CADPS: variants seen among roughly 807,000 people sequenced by gnomAD.
CADPS encodes calcium dependent secretion activator, also known as calcium-dependent secretion activator 1.
A neutral mutation model predicts 167.3 loss-of-function variants in CADPS; 57 were observed. The observed-to-expected ratio is 0.34, with a 90% confidence interval of 0.28 to 0.42. CADPS has a LOEUF of 0.42. CADPS is among the 20% of genes least tolerant of loss of function. The probability of loss-of-function intolerance (pLI) is 1.00; values close to 1 mark genes in which losing one functional copy is unlikely to be tolerated. For synonymous variants in CADPS, 676 were observed against 635.3 expected (o/e 1.06, Z -0.96); for missense variants, 1,414 against 1,738.1 (o/e 0.81, Z 3.32).
chr3:62,429,118 A>T (rs2053407760), intron 28 of CADPS, among the ~76,000 whole-genome samples: 2 of 152,222 alleles, frequency 1.3e-5, no homozygotes, highest in Non-Finnish European at 2.9e-5. Flanking sequence ...ATATTGTTTT[A>T]TAAACTTTTG....
intron 24 of CADPS, among the ~76,000 whole-genome samples, chr3:62,469,027 G>C (rs916146349): frequency 1.3e-5 from 2 of 152,130 alleles, no homozygotes; most frequent in Non-Finnish European, 2.9e-5. Flanking sequence ...TTAACATAGT[G>C]GTTGCATGTG....
chr3:62,417,302 T>G lies in CADPS; in HGVS notation c.3778-14117A>C, dbSNP rs1158066698. On this transcript the variant is annotated intron_variant, in intron 28 of 29. Transcript: ENST00000383710. ...TTTTTTTTTTTTTTTTTTTTTTTTT[T>G]TTGAGACTGTCTTGCTCTGACGCCC... is the stretch of plus-strand genomic sequence containing the variant. 4.7e-4 allele frequency among the ~76,000 whole-genome samples: 57 copies of G among 122,162 alleles called. 2 individuals carry two copies. Among genetic ancestry groups the G allele is most frequent in the Non-Finnish European group, 8.4e-4 (48 of 57,034 alleles). 80.1% of individuals were successfully genotyped at this position (122,162 alleles called of 152,430 possible).
chr3:62,685,871 A>C (rs2077938920), intron 3 of CADPS, among the ~76,000 whole-genome samples: 1 of 152,130 alleles, frequency 6.6e-6, no homozygotes, highest in Admixed American at 6.6e-5. Context: ...GAGCTCAGGC[A>C]GTAATGCCTG....
chr3:62,412,093 A>G lies in CADPS; in HGVS notation c.3778-8908T>C, dbSNP rs2149258691. Among the ~76,000 whole-genome samples, 1 of 152,194 alleles carries G rather than the reference A, an allele frequency of 6.6e-6. No individual in the cohort carries two copies. The highest frequency in any genetic ancestry group is 1.9e-4 in the East Asian group (1 of 5,180). On this transcript the variant is annotated intron_variant, in intron 28 of 29. Transcript: ENST00000383710. This position sits in a 1 kb window ranked among gnomAD's most constrained non-coding sequence, Gnocchi z 4.1. Reference sequence around the variant, plus strand: ...GACACCAAAATCAGAGGGTACAGATAATCAGAATGACCTTCTCAGCTGCCC... The same window carrying G: ...GACACCAAAATCAGAGGGTACAGATGATCAGAATGACCTTCTCAGCTGCCC...
intron 1 of CADPS, among the ~76,000 whole-genome samples, chr3:62,777,131 A>C (rs1226774739): frequency 1.3e-5 from 2 of 152,202 alleles, no homozygotes; most frequent in Non-Finnish European, 2.9e-5. Flanking sequence ...CAACATATGA[A>C]ATCACTAAAT....
Position 62,543,779 on chromosome 3 carries a change from A to T in CADPS, c.1966+6124T>A, listed in dbSNP as rs1331300798. On this transcript the variant is annotated intron_variant, in intron 11 of 29. Transcript: ENST00000383710. ...AAATACATAGTTGCCTGCTCTCTTG[A>T]CCAATTTTTCTAACTCCGTCTAACG... 2.0e-5 allele frequency among the ~76,000 whole-genome samples: 3 copies of T among 152,066 alleles called. No individual in the cohort carries two copies. In the East Asian group the frequency reaches 5.8e-4, roughly 29 times the overall value.
intron 1 of CADPS, among the ~76,000 whole-genome samples, chr3:62,868,024 T>C (rs772611295): frequency 1.3e-5 from 2 of 152,056 alleles, no homozygotes; most frequent in Non-Finnish European, 2.9e-5. Flanking sequence ...AATATATCAA[T>C]AGCAAGGGCT....
rs146136858 is a variant in CADPS at position 62,723,326 on chromosome 3, C to T, written c.888+30115G>A. On this transcript the variant is annotated intron_variant, in intron 3 of 29. Coordinates refer to ENST00000383710, the MANE Select transcript of CADPS (RefSeq NM_003716.4). The stretch of plus-strand genomic sequence containing the variant: ...TGCTGAACCCGAGTGTGACCAGGCT[C>T]TAAATCATCTTAAACTCTAAAGCTT... Among the ~76,000 whole-genome samples, 76 of 152,278 alleles carry T rather than the reference C, an allele frequency of 5.0e-4. No homozygotes were observed. In the East Asian group the frequency reaches 0.014, roughly 28 times the overall value.
At chr3:62,495,918 T>C (rs1428130714) in intron 18 of CADPS, among the ~76,000 whole-genome samples, 2 of 152,186 alleles carry the variant, frequency 1.3e-5, no homozygotes. Flanking sequence ...TTACTTTATC[T>C]TGGAATTTAA....
chr3:62,617,369 G>C (rs1360981521), intron 6 of CADPS, among the ~76,000 whole-genome samples: 1 of 152,152 alleles, frequency 6.6e-6, no homozygotes, highest in Non-Finnish European at 1.5e-5. Flanking sequence ...TGGATGAACA[G>C]AGTAAGTATA....
rs1178668204 is a variant in CADPS, at chr3:62,455,884, G to A, written c.3636+9483C>T. Among the ~76,000 whole-genome samples the A allele has an allele frequency of 1.3e-5, 2 of 152,186 alleles. No individual in the cohort carries two copies. Among genetic ancestry groups the A allele is most frequent in the Admixed American group, 1.3e-4 (2 of 15,274 alleles). ...GTCACTTGTGACCTCTGGTGTCCTT[G>A]ACTTTTCCTGCAGGCTGCTTTAGCC... is the stretch of plus-strand genomic sequence containing the variant. On this transcript the variant is annotated intron_variant, in intron 26 of 29. Transcript: ENST00000383710. This position sits in a 1 kb window ranked among gnomAD's most constrained non-coding sequence, Gnocchi z 4.4.
chr3:62,705,602 CAT>C (rs1274175339), intron 3 of CADPS, among the ~76,000 whole-genome samples: 1 of 152,082 alleles, frequency 6.6e-6, no homozygotes, highest in Non-Finnish European at 1.5e-5. Flanking sequence ...GGCAGAAGAA[CAT>C]AGAAAAACTA....
chr3:62,657,734 T>C (rs2072046626), intron 4 of CADPS, among the ~76,000 whole-genome samples: 1 of 152,184 alleles, frequency 6.6e-6, no homozygotes, highest in Admixed American at 6.6e-5. Context: ...CGTGAGATGC[T>C]GGTGCGATTG....
At chr3:62,743,631 C>A (rs931579121) in intron 3 of CADPS, among the ~76,000 whole-genome samples, 1 of 152,168 alleles carries the variant, frequency 6.6e-6, no homozygotes, top group Admixed American at 6.6e-5. Context: ...AACAAGCATT[C>A]CCTATCCTTC....
At chr3:62,560,891 T>G (rs1481605866) in intron 9 of CADPS, among the ~76,000 whole-genome samples, 1 of 151,870 alleles carries the variant, frequency 6.6e-6, no homozygotes, top group African/African-American at 2.4e-5. Flanking sequence ...CCAGCCTGGC[T>G]AACATGGTGA....
At chr3:62,742,483 A>G (rs1224263453) in intron 3 of CADPS, among the ~76,000 whole-genome samples, 4 of 152,138 alleles carry the variant, frequency 2.6e-5, no homozygotes, top group African/African-American at 9.7e-5. Flanking sequence ...TACACCTACA[A>G]ATATCTGATC....
rs987213642 is a variant in CADPS at position 62,874,057 on chromosome 3, C to A, written c.441+532G>T. On this transcript the variant is annotated intron_variant, in intron 1 of 29. Transcript: ENST00000383710. This position sits in a 1 kb window ranked among gnomAD's most constrained non-coding sequence, Gnocchi z 7.1. Reference sequence around the variant, plus strand: ...TTCTGGGCTTGCTTTCTCCCGCCTGCCCCTGCGGTTGCTCTCTGCCCCAGC... The same window carrying A: ...TTCTGGGCTTGCTTTCTCCCGCCTGACCCTGCGGTTGCTCTCTGCCCCAGC... Among the ~76,000 whole-genome samples, 36 of 152,328 alleles carry A rather than the reference C, an allele frequency of 2.4e-4. No homozygotes were observed. Among genetic ancestry groups the A allele is most frequent in the African/African-American group, 7.0e-4 (29 of 41,594 alleles).
At chr3:62,498,961 C>T (rs920251401) in intron 18 of CADPS, among the ~76,000 whole-genome samples, 1 of 152,192 alleles carries the variant, frequency 6.6e-6, no homozygotes, top group Non-Finnish European at 1.5e-5. Context: ...TAGGCCGAAA[C>T]ATACAACATG....
chr3:62,783,697 T>C (rs768702244), intron 1 of CADPS, among the ~76,000 whole-genome samples: 19 of 152,192 alleles, frequency 1.2e-4, no homozygotes, highest in Non-Finnish European at 2.1e-4. Context: ...AGCAAATGTC[T>C]GTTACTGGGG....
Sources: gnomAD v4.1 joint callset for allele counts (sites outside exome capture counted in the v4.1 genomes callset) on GRCh38, gnomAD v4.1.1 for gene constraint, Gnocchi (gnomAD v3.1) non-coding constraint, MANE v1.5 for transcripts, NCBI Gene and HGNC (gene_info 2026-07-23, HGNC 2026-07-21) for gene names.